The following ZNF44 variants were observed in gnomAD, a reference collection of about 807,000 sequenced individuals.
ZNF44 encodes the protein gonadotropin inducible transcription repressor-2.
In ZNF44, 9 loss-of-function variants were observed where a neutral mutation model predicts 11.7. That is an observed-to-expected ratio of 0.77 (90% confidence interval 0.46 to 1.35). The LOEUF (loss-of-function observed/expected upper bound fraction) is 1.35. Ranked by LOEUF, ZNF44 falls within the 40% of genes most tolerant of loss-of-function variation. The pLI is 0.00. For missense variants in ZNF44, 696 were observed against 743.1 expected (o/e 0.94, Z 0.74); for synonymous variants, 224 against 242.7 (o/e 0.92, Z 0.72).
intron 2 of ZNF44, among the ~76,000 whole-genome samples, chr19:12,232,039 T>C (rs1916184548): frequency 6.6e-6 from 1 of 152,256 alleles, no homozygotes; most frequent in African/African-American, 2.4e-5. Flanking sequence ...GAGGGGGATG[T>C]GTCAGCGTCA....
At chr19:12,285,940 AC>A (rs1238600671) in intron 1 of ZNF44, among the ~76,000 whole-genome samples, 1 of 150,470 alleles carries the variant, frequency 6.6e-6, no homozygotes, top group Admixed American at 6.6e-5. Context: ...AATGGCGTGA[AC>A]CCGGGGGTCA....
chr19:12,281,147 T>C (rs1967459729), intron 1 of ZNF44, among the ~76,000 whole-genome samples: 1 of 152,192 alleles, frequency 6.6e-6, no homozygotes, highest in Non-Finnish European at 1.5e-5. Flanking sequence ...ACAGCATACA[T>C]ATTCTTCTCA....
intron 1 of ZNF44, among the ~76,000 whole-genome samples, chr19:12,291,850 G>A (rs796737156): frequency 7.2e-5 from 11 of 151,914 alleles, no homozygotes; most frequent in African/African-American, 2.7e-4. Context: ...AAATTAGCCA[G>A]GCATGGTGGC....
intron 3 of ZNF44, among the ~76,000 whole-genome samples, chr19:12,227,913 T>C (rs1010925659): frequency 1.3e-5 from 2 of 152,236 alleles, no homozygotes; most frequent in African/African-American, 4.8e-5. Context: ...ACTCCATTTT[T>C]AATAAAACCT....
At chr19:12,264,220 A>C (rs1917640030) in intron 5 of ZNF44, among the ~76,000 whole-genome samples, 1 of 152,160 alleles carries the variant, frequency 6.6e-6, no homozygotes, top group South Asian at 2.1e-4. Context: ...TCCAATGCTC[A>C]GTTTCTGTCA....
At chr19:12,257,863 C>CAGGAGGCCAA in intron 5 of ZNF44, among the ~76,000 whole-genome samples, 1 of 149,872 alleles carries the variant, frequency 6.7e-6, no homozygotes, top group Non-Finnish European at 1.5e-5. Flanking sequence ...CCCAGCTACT[C>CAGGAGGCCAA]GGGAGGCCAA....
At chr19:12,243,058 T>G (rs1039712666), downstream of ZNF44, among the ~76,000 whole-genome samples, 2 of 152,046 alleles carry the variant, frequency 1.3e-5, no homozygotes, top group African/African-American at 2.4e-5. Context: ...AACTGCAAGG[T>G]GACACAGAAA....
At chr19:12,291,622 C>T (rs893276038) in intron 1 of ZNF44, among the ~76,000 whole-genome samples, 2 of 151,936 alleles carry the variant, frequency 1.3e-5, no homozygotes, top group Non-Finnish European at 2.9e-5. Flanking sequence ...CTCTTGAGCC[C>T]TGGAGGCAGA....
chr19:12,264,374 A>G (rs755564886), intron 5 of ZNF44, among the ~76,000 whole-genome samples: 2 of 152,196 alleles, frequency 1.3e-5, no homozygotes, highest in Non-Finnish European at 2.9e-5. Context: ...GCAGAGTCAA[A>G]GGTGGCCTTA....
chr19:12,236,027 A>G (rs192651563), intron 1 of ZNF44, among the ~76,000 whole-genome samples: 27 of 152,354 alleles, frequency 1.8e-4, no homozygotes, highest in Admixed American at 7.8e-4. Context: ...CAAACAGAAA[A>G]ATATTTTAAA....
At chr19:12,278,453 G>A (rs1967327068) in intron 1 of ZNF44, among the ~76,000 whole-genome samples, 1 of 152,124 alleles carries the variant, frequency 6.6e-6, no homozygotes, top group Non-Finnish European at 1.5e-5. Flanking sequence ...TTCCTCTAGT[G>A]CCGCTGGGTT....
chr19:12,282,398 A>G (rs1186438681), intron 1 of ZNF44, among the ~76,000 whole-genome samples: 1 of 151,040 alleles, frequency 6.6e-6, no homozygotes, highest in Non-Finnish European at 1.5e-5. Flanking sequence ...AGGTTTCCAA[A>G]TCAACCCACT....
exon 6 of ZNF44, chr19:12,250,330 G>A: frequency 1.5e-6 from 2 of 1,366,280 alleles, no homozygotes; most frequent in Non-Finnish European, 2.0e-6. Context: ...ATTCCTCCTG[G>A]GTGAAGTTCA....
At position 12,275,046 on chromosome 19, in the gene ZNF44, TC is replaced by T; in HGVS notation, c.131-14del. On this transcript the variant is annotated splice_polypyrimidine_tract_variant and intron_variant, in intron 2 of 3. Transcript: ENST00000355684. ...TCCCATTTCATTCCTAAAAGAGAGA[TC>T]CAGAAAATTCACTATAAATTATTAC... 6.4e-7 allele frequency: 1 copy of T among 1,557,672 alleles called. No homozygotes were observed. Among genetic ancestry groups the T allele is most frequent in the Non-Finnish European group, 8.7e-7 (1 of 1,152,910 alleles).
exon 8 of ZNF44, chr19:12,248,131 G>C: frequency 7.7e-7 from 1 of 1,304,130 alleles, no homozygotes; most frequent in Non-Finnish European, 1.0e-6. Flanking sequence ...TGTACAGTGT[G>C]ATTCCTTTCA....
intron 7 of ZNF44, among the ~76,000 whole-genome samples, chr19:12,249,238 GCT>G (rs1916888276): frequency 2.6e-5 from 4 of 150,972 alleles, no homozygotes; most frequent in African/African-American, 9.7e-5. Flanking sequence ...AGGCGTGGTG[GCT>G]CACACCTGTA....
chr19:12,232,515 G>A (rs1423346175), intron 2 of ZNF44, among the ~76,000 whole-genome samples: 4 of 152,262 alleles, frequency 2.6e-5, no homozygotes, highest in Non-Finnish European at 5.9e-5. Context: ...TGTGTCCCTG[G>A]GTACTTGAGA....
At chr19:12,230,547 T>G (rs1916117647) in intron 2 of ZNF44, 1 of 151,578 alleles carries the variant, frequency 6.6e-6, no homozygotes, top group South Asian at 2.1e-4. Flanking sequence ...AAGGGAGGAT[T>G]AGAGAAAAGT....
At position 12,285,005 on chromosome 19, in the gene ZNF44, C is replaced by T. The variant is rs933158791; in HGVS notation, c.4-8923G>A. ...CCCGGGGCTGCACTGCCATCCTGGG[C>T]AACTTCGCCAAGGCCACCTTTGATG... On this transcript the variant is annotated intron_variant, in intron 1 of 3. Transcript: ENST00000355684. 9.9e-6 allele frequency: 7 copies of T among 707,158 alleles called. No homozygotes were observed. In the Admixed American group the frequency reaches 1.0e-4, roughly 11 times the overall value. The allele number at this position is 707,158 out of a possible 1,614,324, so 43.8% of individuals were successfully genotyped here.
Sources: gnomAD v4.1 joint callset for allele counts (sites outside exome capture counted in the v4.1 genomes callset) on GRCh38, gnomAD v4.1.1 for gene constraint, MANE v1.5 for transcripts, NCBI Gene and HGNC (gene_info 2026-07-23, HGNC 2026-07-21) for gene names.